The following NIBAN1 variants were observed in gnomAD, a reference collection of about 807,000 sequenced individuals.
NIBAN1 encodes protein Niban 1.
Under a neutral mutation model 75.1 loss-of-function variants are expected in NIBAN1, and 81 were observed. The ratio of observed to expected loss-of-function variants is 1.08; its 90% CI spans 0.90 to 1.30. The LOEUF is 1.30. Among genes scored for constraint, NIBAN1 ranks in the 50% most tolerant of loss-of-function variants. The pLI, the probability that NIBAN1 is intolerant of heterozygous loss-of-function variation, is 0.00. For missense variants in NIBAN1, 1,133 were observed against 1,128.1 expected (o/e 1.00, Z -0.06); for synonymous variants, 436 against 424.8 (o/e 1.03, Z -0.32).
At chr1:184,916,841 C>T (rs1001448447) in intron 1 of NIBAN1, among the ~76,000 whole-genome samples, 19 of 152,278 alleles carry the variant, frequency 1.2e-4, no homozygotes, top group Admixed American at 1.1e-3. Flanking sequence ...TCATCTCCTT[C>T]AGCCTTCCAA....
At chr1:184,868,087 G>A (rs1406113003) in intron 5 of NIBAN1, 1 of 982,964 alleles carries the variant, frequency 1.0e-6, no homozygotes, top group Non-Finnish European at 1.2e-6. Flanking sequence ...GGCTTTGTCT[G>A]GTAAGATGTG....
intron 1 of NIBAN1, among the ~76,000 whole-genome samples, chr1:184,942,665 G>A (rs1054199844): frequency 5.4e-5 from 8 of 147,058 alleles, no homozygotes; most frequent in Non-Finnish European, 1.2e-4. Context: ...CTGCACTCCG[G>A]CCTGGGCGAC....
chr1:184,886,515 T>C (rs1656529508), intron 4 of NIBAN1, among the ~76,000 whole-genome samples: 1 of 152,174 alleles, frequency 6.6e-6, no homozygotes, highest in Non-Finnish European at 1.5e-5. Flanking sequence ...CAATGGGACT[T>C]TTACCTCTTC....
chr1:184,890,369 A>G (rs1656636033), intron 3 of NIBAN1, 147 bp from the exon 4 acceptor site: 1 of 624,380 alleles, frequency 1.6e-6, no homozygotes, highest in South Asian at 1.9e-5. Context: ...TTTACTCAAA[A>G]AATATGTTTT....
intron 1 of NIBAN1, among the ~76,000 whole-genome samples, chr1:184,922,592 T>C (rs1408918505): frequency 6.6e-6 from 1 of 152,124 alleles, no homozygotes; most frequent in Non-Finnish European, 1.5e-5. Flanking sequence ...TTTGTTTTGT[T>C]TTTTTGTTTT....
At chr1:184,927,660 G>A (rs917324136) in intron 1 of NIBAN1, among the ~76,000 whole-genome samples, 6 of 152,026 alleles carry the variant, frequency 3.9e-5, no homozygotes, top group South Asian at 2.1e-4. Flanking sequence ...GCCTGCCTAC[G>A]ACCTATGTTT....
intron 9 of NIBAN1, among the ~76,000 whole-genome samples, chr1:184,810,781 A>G (rs556163): frequency 0.84 from 127,622 of 152,230 alleles, 54,110 homozygotes; most frequent in African/African-American, 0.96. Flanking sequence ...GATTCTAGGG[A>G]CTGCCCGATT....
intron 1 of NIBAN1, among the ~76,000 whole-genome samples, chr1:184,930,989 T>G (rs1224492356): frequency 1.1e-5 from 1 of 94,350 alleles, no homozygotes; most frequent in East Asian, 2.6e-4. Flanking sequence ...AGTGCACTTT[T>G]TCTTCTTCTT....
intron 1 of NIBAN1, among the ~76,000 whole-genome samples, chr1:184,939,647 C>G (rs1194678515): frequency 6.6e-6 from 1 of 152,184 alleles, no homozygotes; most frequent in East Asian, 1.9e-4. Context: ...CCACTTGTCA[C>G]CAGAAAAACT....
intron 1 of NIBAN1, among the ~76,000 whole-genome samples, chr1:184,904,223 G>A (rs1657028880): frequency 6.6e-6 from 1 of 151,434 alleles, no homozygotes; most frequent in African/African-American, 2.4e-5. Flanking sequence ...TAGAGACAGG[G>A]TTTCACCATG....
intron 9 of NIBAN1, among the ~76,000 whole-genome samples, chr1:184,809,977 G>T (rs1354399146): frequency 1.3e-5 from 2 of 152,104 alleles, no homozygotes; most frequent in Non-Finnish European, 2.9e-5. Context: ...TAAGAATGGG[G>T]AAAATACAGA....
chr1:184,974,205 A>G (rs1204662032), intron 1 of NIBAN1, 97 bp downstream of exon 1: 1 of 1,249,274 alleles, frequency 8.0e-7, no homozygotes, highest in Non-Finnish European at 1.0e-6. Context: ...CGCTACAGGG[A>G]GAGGGCCCGG....
chr1:184,872,460 T>A (rs918808226), intron 5 of NIBAN1, among the ~76,000 whole-genome samples: 1 of 152,012 alleles, frequency 6.6e-6, no homozygotes, highest in Non-Finnish European at 1.5e-5. Context: ...AATGCCAGCA[T>A]TTTGGGAGGC....
At chr1:184,904,772 GA>G (rs1657046858) in intron 1 of NIBAN1, among the ~76,000 whole-genome samples, 1 of 152,136 alleles carries the variant, frequency 6.6e-6, no homozygotes, top group Admixed American at 6.5e-5. Context: ...CCAACATGAT[GA>G]AACCCTGTCT....
chr1:184,870,024 G>A (rs1316115225), intron 5 of NIBAN1, among the ~76,000 whole-genome samples: 6 of 152,112 alleles, frequency 3.9e-5, no homozygotes, highest in Non-Finnish European at 8.8e-5. Context: ...AACTCTGAAG[G>A]GATGCTGTTT....
At chr1:184,948,889 TGAA>T (rs933806117) in intron 1 of NIBAN1, among the ~76,000 whole-genome samples, 9 of 152,130 alleles carry the variant, frequency 5.9e-5, no homozygotes, top group Non-Finnish European at 1.2e-4. Context: ...AACAACAGAT[TGAA>T]GGATCATGGA....
Position 184,792,521 on chromosome 1 carries a change from A to T in NIBAN1, c.*2456T>A, listed in dbSNP as rs889646207. The T allele has an allele frequency of 2.0e-5, 3 of 152,750 alleles. No individual in the cohort carries two copies. Among genetic ancestry groups the T allele is most frequent in the Non-Finnish European group, 4.4e-5 (3 of 68,100 alleles). 9.5% of individuals were successfully genotyped at this position (152,750 alleles called of 1,614,324 possible). ...GGCTGGGACTCCACACTACTGTCCCAGGGAGTCGGGCAGCCTTTGTGGGGC... is the reference window on the plus strand; with the variant it reads ...GGCTGGGACTCCACACTACTGTCCCTGGGAGTCGGGCAGCCTTTGTGGGGC... On this transcript the variant is annotated 3_prime_UTR_variant, in exon 14 of 14. Transcript: ENST00000367511.
rs986254186 is a variant in NIBAN1, at chr1:184,952,235, A to G, written c.55+22067T>C. 3.3e-5 allele frequency among the ~76,000 whole-genome samples: 5 copies of G among 152,152 alleles called. No homozygotes were observed. The South Asian group carries it at 8.3e-4, about 25-fold the overall frequency. On this transcript the variant is annotated intron_variant, in intron 1 of 13. Transcript: ENST00000367511. ...GGCAACATAGCAAGACCTCATCTCTACAAAAGAAAATTGAAAAAATAAGCC... is the reference window on the plus strand; with the variant it reads ...GGCAACATAGCAAGACCTCATCTCTGCAAAAGAAAATTGAAAAAATAAGCC...
intron 1 of NIBAN1, among the ~76,000 whole-genome samples, chr1:184,963,255 GA>G (rs1205061294): frequency 6.6e-6 from 1 of 151,918 alleles, no homozygotes; most frequent in Non-Finnish European, 1.5e-5. Context: ...ATATATTTAT[GA>G]TTAAAAATTT....
Sources: gnomAD v4.1 joint callset for allele counts (sites outside exome capture counted in the v4.1 genomes callset) on GRCh38, gnomAD v4.1.1 for gene constraint, MANE v1.5 for transcripts, NCBI Gene and HGNC (gene_info 2026-07-23, HGNC 2026-07-21) for gene names.